Variants in CDH13 observed in about 807,000 individuals in gnomAD.
CDH13 encodes cadherin 13, also known as cadherin-13.
CDH13 carries 24 observed loss-of-function variants against 63.8 expected under a neutral mutation model. The ratio of observed to expected loss-of-function variants is 0.38; its 90% CI spans 0.27 to 0.53. The LOEUF (loss-of-function observed/expected upper bound fraction) is 0.53. CDH13 is among the 20% of genes least tolerant of loss of function. The pLI, the probability that CDH13 is intolerant of heterozygous loss-of-function variation, is 0.85. For missense variants in CDH13, 1,049 were observed against 903.1 expected (o/e 1.16, Z -2.07); for synonymous variants, 503 against 355.3 (o/e 1.42, Z -4.67).
intron 11 of CDH13, among the ~76,000 whole-genome samples, chr16:83,773,617 G>T (rs1228825368): frequency 1.3e-5 from 2 of 152,186 alleles, no homozygotes; most frequent in African/African-American, 4.8e-5. Context: ...TTGGAGATGA[G>T]ATTTGGGTGG....
At chr16:83,769,513 T>C (rs1914621121) in intron 11 of CDH13, among the ~76,000 whole-genome samples, 2 of 152,170 alleles carry the variant, frequency 1.3e-5, no homozygotes, top group African/African-American at 4.8e-5. Flanking sequence ...TGCTTCATCT[T>C]TGGAGCAAAA....
intron 2 of CDH13, among the ~76,000 whole-genome samples, chr16:82,896,876 G>T (rs1312795306): frequency 7.1e-6 from 1 of 141,636 alleles, no homozygotes; most frequent in Non-Finnish European, 1.5e-5. Flanking sequence ...CGCCTCCCAG[G>T]TTCACAGCAT....
intron 5 of CDH13, among the ~76,000 whole-genome samples, chr16:83,321,253 C>G (rs535424922): frequency 1.3e-5 from 2 of 152,278 alleles, no homozygotes; most frequent in East Asian, 3.9e-4. Context: ...ATTAGTGTCT[C>G]AAGTTGATTT....
chr16:83,506,237 A>G (rs2074391066), intron 7 of CDH13, among the ~76,000 whole-genome samples: 1 of 152,178 alleles, frequency 6.6e-6, no homozygotes, highest in African/African-American at 2.4e-5. Flanking sequence ...AGTATAGACA[A>G]GCTCCTCTGT....
rs1597212296 is a variant in CDH13, at chr16:83,774,288, C to CCTG, written c.1682-5680_1682-5679insCTG. Among the ~76,000 whole-genome samples, 6 of 152,268 alleles carry CCTG rather than the reference C, an allele frequency of 3.9e-5. No homozygotes were observed. The East Asian group carries it at 1.2e-3, about 29-fold the overall frequency. The stretch of plus-strand genomic sequence containing the variant: ...GTACCCAGCCTGACTATGACACAGG[C>CCTG]TGTCATAGTCATTTCCAGCAAGCAA... On this transcript the variant is annotated intron_variant, in intron 11 of 13. Coordinates refer to ENST00000567109, the MANE Select transcript of CDH13 (RefSeq NM_001257.5).
At chr16:83,468,490 C>T (rs1240741004) in intron 6 of CDH13, among the ~76,000 whole-genome samples, 1 of 152,176 alleles carries the variant, frequency 6.6e-6, no homozygotes, top group Non-Finnish European at 1.5e-5. Flanking sequence ...CTAAGCCACC[C>T]AGTTCGTGGT....
chr16:83,121,370 T>C (rs575632943), intron 3 of CDH13, among the ~76,000 whole-genome samples: 17 of 152,374 alleles, frequency 1.1e-4, no homozygotes, highest in African/African-American at 4.1e-4. Flanking sequence ...TGGAGCAGTT[T>C]GCATGCAACC....
chr16:82,754,237 T>C (rs2034529759), intron 1 of CDH13, among the ~76,000 whole-genome samples: 1 of 152,136 alleles, frequency 6.6e-6, no homozygotes, highest in Admixed American at 6.5e-5. Flanking sequence ...TGCCCTGGGG[T>C]CCTAAAACAT....
At chr16:82,706,589 G>A (rs2031508612) in intron 1 of CDH13, among the ~76,000 whole-genome samples, 1 of 151,764 alleles carries the variant, frequency 6.6e-6, no homozygotes, top group South Asian at 2.1e-4. Flanking sequence ...AGGGTCAGGA[G>A]TTGGAGACCA....
At chr16:83,479,046 T>C (rs1465998862) in intron 6 of CDH13, among the ~76,000 whole-genome samples, 1 of 152,166 alleles carries the variant, frequency 6.6e-6, no homozygotes, top group Non-Finnish European at 1.5e-5. Context: ...GGTTGGTTGG[T>C]TATCTTTCAT....
At chr16:83,585,085 G>A (rs1299628796) in intron 7 of CDH13, among the ~76,000 whole-genome samples, 1 of 152,128 alleles carries the variant, frequency 6.6e-6, no homozygotes, top group Non-Finnish European at 1.5e-5. Context: ...AACCGTATCA[G>A]ATGCTCCCGA....
At chr16:82,800,889 A>G (rs572300446) in intron 1 of CDH13, among the ~76,000 whole-genome samples, 1 of 152,192 alleles carries the variant, frequency 6.6e-6, no homozygotes, top group Non-Finnish European at 1.5e-5. Context: ...TAGCTTGTGC[A>G]TTTTCATGCA....
At position 82,690,476 on chromosome 16, in the gene CDH13, G is replaced by A. The variant is rs532958373; in HGVS notation, c.45+63339G>A. Among the ~76,000 whole-genome samples, 21 of 152,282 alleles carry A rather than the reference G, an allele frequency of 1.4e-4. No individual in the cohort carries two copies. The South Asian group carries it at 4.4e-3, about 32-fold the overall frequency. Reference sequence around the variant, plus strand: ...GGTCTGTCTTTACACATTTATTGATGATCCAGAAGAGGAAGCACACAAGTT... The same window carrying A: ...GGTCTGTCTTTACACATTTATTGATAATCCAGAAGAGGAAGCACACAAGTT... On this transcript the variant is annotated intron_variant, in intron 1 of 13. Transcript: ENST00000567109.
intron 3 of CDH13, among the ~76,000 whole-genome samples, chr16:83,049,534 A>G (rs1047151286): frequency 6.6e-6 from 1 of 151,794 alleles, no homozygotes; most frequent in Non-Finnish European, 1.5e-5. Context: ...ACCGGGTTTC[A>G]CCGTGTTAGC....
At chr16:83,408,350 G>C (rs995267628) in intron 6 of CDH13, among the ~76,000 whole-genome samples, 4 of 152,162 alleles carry the variant, frequency 2.6e-5, no homozygotes, top group African/African-American at 4.8e-5. Flanking sequence ...ATCATTAGAT[G>C]ATTTGTCATT....
chr16:83,154,154 G>C (rs1237664703), intron 4 of CDH13, among the ~76,000 whole-genome samples: 1 of 152,094 alleles, frequency 6.6e-6, no homozygotes, highest in African/African-American at 2.4e-5. Flanking sequence ...CTACGGTTCT[G>C]CCACCTTTGT....
At chr16:83,168,484 T>C (rs1337749613) in intron 4 of CDH13, among the ~76,000 whole-genome samples, 1 of 152,062 alleles carries the variant, frequency 6.6e-6, no homozygotes, top group African/African-American at 2.4e-5. Context: ...ATTTCATGAA[T>C]AGATACAGAA....
chr16:83,632,153 C>T (rs758323461), intron 8 of CDH13, among the ~76,000 whole-genome samples: 1 of 152,184 alleles, frequency 6.6e-6, no homozygotes, highest in Non-Finnish European at 1.5e-5. Context: ...TATGTTTCCT[C>T]ATTGTTACTC....
chr16:83,452,155 G>A (rs953089109), intron 6 of CDH13, among the ~76,000 whole-genome samples: 1 of 152,170 alleles, frequency 6.6e-6, no homozygotes, highest in Non-Finnish European at 1.5e-5. Context: ...CTCAAGACTG[G>A]AGAGAGAAAA....
Sources: gnomAD v4.1 joint callset for allele counts (sites outside exome capture counted in the v4.1 genomes callset) on GRCh38, gnomAD v4.1.1 for gene constraint, MANE v1.5 for transcripts, NCBI Gene and HGNC (gene_info 2026-07-23, HGNC 2026-07-21) for gene names.